Variants in CCDC88A observed in about 807,000 individuals in gnomAD.
CCDC88A encodes the protein girdin.
In CCDC88A, 54 loss-of-function variants were observed where a neutral mutation model predicts 234.3. That is an observed-to-expected ratio of 0.23 (90% CI 0.19 to 0.29). The LOEUF (loss-of-function observed/expected upper bound fraction) is 0.29, where lower values mean the gene tolerates loss of function less well. CCDC88A is among the 10% of genes least tolerant of loss of function. The pLI is 1.00. For missense variants in CCDC88A, 1,832 were observed against 2,123.4 expected (o/e 0.86, Z 2.70); for synonymous variants, 753 against 737.8 (o/e 1.02, Z -0.33).
At chr2:55,295,366 C>G in intron 31 of CCDC88A, 1 of 1,533,980 alleles carries the variant, frequency 6.5e-7, no homozygotes, top group African/African-American at 1.4e-5. Flanking sequence ...GAATGGGCCA[C>G]AGTAAATGGT....
At position 55,318,841 on chromosome 2, in the gene CCDC88A, A is replaced by G; in HGVS notation, c.3324+2T>C. ...CATATTCCCAAAATATTATATTACA[A>G]CCTGAAGCTTGGCATTCTGTGTTTG... On this transcript the variant is annotated splice_donor_variant, in intron 19 of 32. Transcript: ENST00000436346. LOFTEE classifies it high-confidence loss of function. The G allele has an allele frequency of 6.3e-7, 1 of 1,587,960 alleles. No homozygotes were observed. The highest frequency in any genetic ancestry group is 8.6e-7 in the Non-Finnish European group (1 of 1,163,502).
intron 2 of CCDC88A, among the ~76,000 whole-genome samples, chr2:55,394,826 GA>G (rs923155175): frequency 1.4e-4 from 19 of 137,666 alleles, no homozygotes; most frequent in South Asian, 4.7e-4. Flanking sequence ...AAAAAAAAAA[GA>G]AAAAAAATGT....
chr2:55,322,370 T>G (rs570496150), intron 18 of CCDC88A, among the ~76,000 whole-genome samples, 158 bp downstream of exon 18: 39 of 89,354 alleles, frequency 4.4e-4, no homozygotes, highest in African/African-American at 1.1e-3. Context: ...GAAAGTCCCC[T>G]TAGGTAGGAA....
rs201676947 is a variant in CCDC88A, at chr2:55,355,748, T to G, written c.631A>C (p.Ile211Leu). The G allele has an allele frequency of 4.3e-6, 7 of 1,609,724 alleles. No individual in the cohort carries two copies. Among genetic ancestry groups the G allele is most frequent in the Middle Eastern group, 1.7e-4 (1 of 6,042 alleles). Residue 211 changes from isoleucine to leucine, a missense_variant, in exon 8 of 33, where the codon ATC (isoleucine) becomes CTC (leucine). By Grantham distance (5) the Ile-to-Leu change is conservative. Around this residue, in one of 6 missense-constraint regions of CCDC88A, gnomAD observed 1,282 missense variants for 1,543.6 expected, o/e 0.83. Transcript: ENST00000436346. Reference protein sequence around the residue: ...IDERDEHSETIIELSEERDGL... With the variant: ...IDERDEHSETLIELSEERDGL... ...TCCCGCTCTTCAGAGAGTTCTATGATAGTCTAGAAATACACACAGAATCAC... is the reference window on the plus strand; with the variant it reads ...TCCCGCTCTTCAGAGAGTTCTATGAGAGTCTAGAAATACACACAGAATCAC...
At position 55,362,329 on chromosome 2, in the gene CCDC88A, A is replaced by G; in HGVS notation, c.606T>C (p.Asp202=). The change falls in exon 7 of 33, where the codon GAT becomes GAC. Residue 202 remains aspartate, a synonymous_variant. Coordinates refer to ENST00000436346, the MANE Select transcript of CCDC88A (RefSeq NM_001365480.1). ...AAACCTCTGAATGTTCATCTCTCTC[A>G]TCTATAAGTCTTTTTAGATGCAATG... ...NMALHLKRLI[D]ERDEHSETII... is the part of the protein sequence containing the mutation. 1 of 1,588,928 alleles carries G rather than the reference A, an allele frequency of 6.3e-7. No individual in the cohort carries two copies.
At chr2:55,409,685 C>T (rs1000503697) in intron 2 of CCDC88A, among the ~76,000 whole-genome samples, 25 of 149,992 alleles carry the variant, frequency 1.7e-4, no homozygotes, top group African/African-American at 5.4e-4. Context: ...GGCCCACATG[C>T]TTCCACTGGG....
intron 5 of CCDC88A, among the ~76,000 whole-genome samples, chr2:55,365,058 T>C (rs1671778573): frequency 6.6e-6 from 1 of 152,206 alleles, no homozygotes; most frequent in Non-Finnish European, 1.5e-5. Flanking sequence ...AATGCTATAT[T>C]TTCTACTACT....
chr2:55,296,284 C>T lies in CCDC88A; in HGVS notation c.5065G>A (p.Glu1689Lys), dbSNP rs778068988. ...EVVTLQQFLEESNKLTSVQIK... is the reference protein window; with the variant it reads ...EVVTLQQFLEKSNKLTSVQIK... The stretch of plus-strand genomic sequence containing the variant: ...TGTACTGAGGTAAGCTTATTGCTTT[C>T]TTCCAAAAACTGTTGTAGAGTAACA... Residue 1689 changes from glutamate (E) to lysine (K), a missense_variant, in exon 30 of 33, where the codon GAA (glutamate) becomes AAA (lysine). Glu to Lys is a moderately conservative substitution (Grantham distance 56). Around this residue, in one of 6 missense-constraint regions of CCDC88A, gnomAD observed 422 missense variants for 416.5 expected, o/e 1.01. Coordinates refer to ENST00000436346, the MANE Select transcript of CCDC88A (RefSeq NM_001365480.1). The T allele has an allele frequency of 2.5e-6, 4 of 1,613,868 alleles. No individual in the cohort carries two copies. In the Admixed American group the frequency reaches 6.7e-5, roughly 27 times the overall value.
At chr2:55,375,860 T>A (rs1673591302) in intron 3 of CCDC88A, among the ~76,000 whole-genome samples, 1 of 152,084 alleles carries the variant, frequency 6.6e-6, no homozygotes. Context: ...GAGAGCTATA[T>A]TTTTAAAATG....
intron 2 of CCDC88A, among the ~76,000 whole-genome samples, chr2:55,390,569 T>C (rs990206930): frequency 4.6e-5 from 7 of 152,198 alleles, no homozygotes; most frequent in African/African-American, 1.7e-4. Context: ...GAAGATACCC[T>C]CTTGCCATAA....
rs749279268 is a variant in CCDC88A at position 55,296,057 on chromosome 2, C to T, written c.5092-1G>A. On this transcript the variant is annotated splice_acceptor_variant, in intron 30 of 32. Coordinates refer to ENST00000436346, the MANE Select transcript of CCDC88A (RefSeq NM_001365480.1). LOFTEE classifies it high-confidence loss of function. Reference sequence around the variant, plus strand: ...GATTCTCTTGACTTGAGGACTTTATCTGTTTAAAAAAAAATTCAAAGCAGA... The same window carrying T: ...GATTCTCTTGACTTGAGGACTTTATTTGTTTAAAAAAAAATTCAAAGCAGA... 1 of 1,576,556 alleles carries T rather than the reference C, an allele frequency of 6.3e-7. No homozygotes were observed. Among genetic ancestry groups the T allele is most frequent in the Non-Finnish European group, 8.6e-7 (1 of 1,167,162 alleles).
At chr2:55,396,151 A>G (rs1335483118) in intron 2 of CCDC88A, among the ~76,000 whole-genome samples, 1 of 152,090 alleles carries the variant, frequency 6.6e-6, no homozygotes, top group Non-Finnish European at 1.5e-5. Context: ...TACTGGCCAC[A>G]TTACTTAATG....
In CCDC88A at chr2:55,355,677, G is replaced by C; in HGVS notation, c.702C>G (p.Pro234=). The change falls in exon 8 of 33, where the codon CCC becomes CCG. Residue 234 remains proline, a synonymous_variant. Coordinates refer to ENST00000436346, the MANE Select transcript of CCDC88A (RefSeq NM_001365480.1). The part of the protein sequence containing the change: ...LPHASSSAQS[P]CGSPGMKRTE... ...TTCGCTTCATGCCTGGAGAACCACA[G>C]GGTGACTGTGCAGATGAAGAGGCAT... The C allele has an allele frequency of 6.2e-7, 1 of 1,613,954 alleles. No homozygotes were observed. The highest frequency in any genetic ancestry group is 1.7e-5 in the Admixed American group (1 of 60,016).
intron 2 of CCDC88A, among the ~76,000 whole-genome samples, chr2:55,411,632 C>A (rs116443971): frequency 6.6e-6 from 1 of 151,494 alleles, no homozygotes; most frequent in Non-Finnish European, 1.5e-5. Context: ...CACAAAACTT[C>A]ACCAGGCACG....
intron 8 of CCDC88A, among the ~76,000 whole-genome samples, chr2:55,354,562 CTTTT>C (rs990928083): frequency 6.6e-6 from 1 of 150,762 alleles, no homozygotes; most frequent in African/African-American, 2.4e-5. Context: ...TATCCTTATG[CTTTT>C]TTTCTTTCTT....
rs536335843 is a variant in CCDC88A at position 55,385,723 on chromosome 2, C to T, written c.273+3055G>A. 1.3e-4 allele frequency among the ~76,000 whole-genome samples: 20 copies of T among 151,360 alleles called. No individual in the cohort carries two copies. In the South Asian group the frequency reaches 2.7e-3, roughly 21 times the overall value. On this transcript the variant is annotated intron_variant, in intron 3 of 32. Transcript: ENST00000436346. The stretch of plus-strand genomic sequence containing the variant: ...CAAAAATTAGCCGGGCCTGGTGGCA[C>T]GTGCCTGTAGTCTCAGCTACTCAGG...
In CCDC88A at chr2:55,394,379, C is replaced by A. The variant is rs190079468; in HGVS notation, c.165-5493G>T. ...CAAGTCTTTGCTATTGTGAATAGTG[C>A]TGTAATAAACATACGTTTGCATGTG... On this transcript the variant is annotated intron_variant, in intron 2 of 32. Coordinates refer to ENST00000436346, the MANE Select transcript of CCDC88A (RefSeq NM_001365480.1). 1.9e-3 allele frequency: 286 copies of A among 152,136 alleles called. 1 individual carries two copies. The highest frequency in any genetic ancestry group is 6.3e-3 in the African/African-American group (263 of 41,476). 9.4% of individuals were successfully genotyped at this position (152,136 alleles called of 1,614,324 possible).
At chr2:55,408,655 G>C (rs894623658) in intron 2 of CCDC88A, among the ~76,000 whole-genome samples, 1 of 152,110 alleles carries the variant, frequency 6.6e-6, no homozygotes, top group Admixed American at 6.5e-5. Context: ...CCCCTTGTTT[G>C]GCATATCATC....
intron 5 of CCDC88A, among the ~76,000 whole-genome samples, chr2:55,365,666 A>T (rs1308709016): frequency 1.3e-5 from 2 of 152,200 alleles, no homozygotes; most frequent in African/African-American, 4.8e-5. Context: ...ACTAAATCTC[A>T]CACCTTAATT....
Sources: allele counts gnomAD v4.1 joint callset (sites outside exome capture counted in the v4.1 genomes callset), GRCh38; gene constraint gnomAD v4.1.1; regional missense constraint gnomAD v4.1.1; transcripts MANE v1.5; gene names NCBI Gene and HGNC (gene_info 2026-07-23, HGNC 2026-07-21).